Variants in TTC7B observed in about 807,000 individuals in gnomAD.
TTC7B encodes tetratricopeptide repeat protein 7B.
A neutral mutation model predicts 106.8 loss-of-function variants in TTC7B; 28 were observed. That is an observed-to-expected ratio of 0.26 (90% confidence interval 0.19 to 0.36). The LOEUF (loss-of-function observed/expected upper bound fraction) is 0.36, where lower values mean the gene tolerates loss of function less well. TTC7B is among the 10% of genes least tolerant of loss of function. The pLI is 1.00. For missense variants in TTC7B, 862 were observed against 1,076.4 expected (o/e 0.80, Z 2.79); for synonymous variants, 405 against 430.6 (o/e 0.94, Z 0.74).
chr14:90,709,981 GAA>G (rs71461919), intron 5 of TTC7B, among the ~76,000 whole-genome samples: 1 of 76,568 alleles, frequency 1.3e-5, no homozygotes, highest in Admixed American at 1.9e-4. Flanking sequence ...TTATGTGCCA[GAA>G]AAAAAAAAAA....
At chr14:90,710,337 T>C (rs1888397233) in intron 5 of TTC7B, among the ~76,000 whole-genome samples, 1 of 152,226 alleles carries the variant, frequency 6.6e-6, no homozygotes, top group African/African-American at 2.4e-5. Flanking sequence ...GATGAGGAAT[T>C]GCTCTTACAG....
intron 1 of TTC7B, among the ~76,000 whole-genome samples, chr14:90,811,001 G>T (rs1035078829): frequency 3.3e-5 from 5 of 152,174 alleles, no homozygotes; most frequent in Non-Finnish European, 7.3e-5. Context: ...TGGAAAGGTT[G>T]GCCAGACCAA....
rs1035595205 is a variant in TTC7B, at chr14:90,805,389, G to A, written c.121+10786C>T. Among the ~76,000 whole-genome samples the A allele has an allele frequency of 7.2e-5, 11 of 152,206 alleles. No homozygotes were observed. In the South Asian group the frequency reaches 1.5e-3, roughly 20 times the overall value. On this transcript the variant is annotated intron_variant, in intron 1 of 19. Transcript: ENST00000328459. The surrounding 1 kb of genome is among the most constrained non-coding windows in gnomAD (Gnocchi z 4.0). ...TCCTGTTCTCCTGCCTCAGCCTCCC[G>A]CGTAGCTGCGATTACAGGCGTGTAC...
At chr14:90,713,055 C>T (rs1888509647) in intron 5 of TTC7B, among the ~76,000 whole-genome samples, 2 of 152,188 alleles carry the variant, frequency 1.3e-5, no homozygotes, top group Non-Finnish European at 2.9e-5. Context: ...AATGAGAAGA[C>T]AACAATCCAA....
rs557804827 is a variant in TTC7B at position 90,631,113 on chromosome 14, C to T, written c.1751+12935G>A. Among the ~76,000 whole-genome samples the T allele has an allele frequency of 2.0e-5, 3 of 152,280 alleles. No individual in the cohort carries two copies. In the South Asian group the frequency reaches 6.2e-4, roughly 32 times the overall value. On this transcript the variant is annotated intron_variant, in intron 15 of 19. Coordinates refer to ENST00000328459, the MANE Select transcript of TTC7B (RefSeq NM_001010854.2). ...CCTCCCAAAGTGTTGGGATTACAGG[C>T]GTGAGCCACTGCACCCAGCCATGTC...
At chr14:90,790,855 G>A (rs1891563114) in intron 1 of TTC7B, among the ~76,000 whole-genome samples, 1 of 152,096 alleles carries the variant, frequency 6.6e-6, no homozygotes. Context: ...AGGATGAGTA[G>A]GACCTGGGCT....
intron 13 of TTC7B, among the ~76,000 whole-genome samples, chr14:90,651,002 A>G (rs1252018555): frequency 6.6e-6 from 1 of 152,230 alleles, no homozygotes; most frequent in East Asian, 1.9e-4. Context: ...CTGCAACCCC[A>G]TCCCTTCCTG....
chr14:90,614,954 C>G (rs1893011092), intron 16 of TTC7B, among the ~76,000 whole-genome samples: 1 of 152,156 alleles, frequency 6.6e-6, no homozygotes, highest in South Asian at 2.1e-4. Context: ...TTACACTTCA[C>G]CCAGTGACAG....
chr14:90,716,599 TTGTG>T (rs1051955418), intron 5 of TTC7B, among the ~76,000 whole-genome samples: 2 of 152,118 alleles, frequency 1.3e-5, no homozygotes, highest in African/African-American at 4.8e-5. Context: ...TTGTTTGTTT[TTGTG>T]TGTGTGTATG....
chr14:90,549,206 C>T (rs1012684865), intron 19 of TTC7B, among the ~76,000 whole-genome samples: 1 of 152,026 alleles, frequency 6.6e-6, no homozygotes, highest in Non-Finnish European at 1.5e-5. Flanking sequence ...TCAAACCTCA[C>T]TGGTGGAGTG....
chr14:90,660,419 AAAGAAAAG>A (rs1886153128), intron 9 of TTC7B, among the ~76,000 whole-genome samples: 2 of 147,748 alleles, frequency 1.4e-5, no homozygotes, highest in Admixed American at 6.8e-5. Context: ...AAAAAAAAAA[AAAGAAAAG>A]AAAAGAAAAG....
chr14:90,598,218 G>A (rs1402389543), intron 17 of TTC7B, among the ~76,000 whole-genome samples: 2 of 152,228 alleles, frequency 1.3e-5, no homozygotes, highest in East Asian at 3.9e-4. Flanking sequence ...ACGTAGGCAG[G>A]TGAGAGCTCG....
chr14:90,783,215 C>T (rs1891277156), intron 2 of TTC7B, among the ~76,000 whole-genome samples: 1 of 152,228 alleles, frequency 6.6e-6, no homozygotes. Flanking sequence ...GTCCTGACTC[C>T]TAGTCCAGGA....
At chr14:90,730,356 G>A (rs1889278331) in intron 4 of TTC7B, among the ~76,000 whole-genome samples, 160 bp from the exon 5 acceptor site, 1 of 152,160 alleles carries the variant, frequency 6.6e-6, no homozygotes, top group Admixed American at 6.5e-5. Context: ...TAGAAAAGCA[G>A]AGAGAATGGT....
At chr14:90,607,478 C>T (rs977206981) in intron 17 of TTC7B, among the ~76,000 whole-genome samples, 3 of 152,246 alleles carry the variant, frequency 2.0e-5, no homozygotes, top group Non-Finnish European at 4.4e-5. Context: ...TCCCAGGCCA[C>T]ATTTGATCTC....
intron 13 of TTC7B, among the ~76,000 whole-genome samples, chr14:90,651,918 A>G (rs1208452554): frequency 6.6e-6 from 1 of 152,258 alleles, no homozygotes; most frequent in Non-Finnish European, 1.5e-5. Context: ...GGAAGGCCTC[A>G]TGAAATATTC....
intron 8 of TTC7B, 81 bp from the exon 9 acceptor site, chr14:90,676,741 C>T (rs1886857179): frequency 6.7e-7 from 1 of 1,499,024 alleles, no homozygotes; most frequent in Admixed American, 1.9e-5. Flanking sequence ...GCCCTCCTGC[C>T]CCTACCAATT....
At chr14:90,565,399 CTTTTTT>C (rs35307541) in intron 19 of TTC7B, among the ~76,000 whole-genome samples, 1 of 107,598 alleles carries the variant, frequency 9.3e-6, no homozygotes, top group Non-Finnish European at 1.9e-5. Context: ...TCCTTTCTAG[CTTTTTT>C]TTTTTTTTTT....
At chr14:90,734,508 T>C (rs1889445950) in intron 4 of TTC7B, among the ~76,000 whole-genome samples, 1 of 151,916 alleles carries the variant, frequency 6.6e-6, no homozygotes, top group Non-Finnish European at 1.5e-5. Flanking sequence ...ATGATCACTA[T>C]CATGCTTTGA....
Sources: gnomAD v4.1 joint callset for allele counts (sites outside exome capture counted in the v4.1 genomes callset) on GRCh38, gnomAD v4.1.1 for gene constraint, Gnocchi (gnomAD v3.1) non-coding constraint, MANE v1.5 for transcripts, NCBI Gene and HGNC (gene_info 2026-07-23, HGNC 2026-07-21) for gene names.